Variants in ANKRD36C observed in about 807,000 individuals in gnomAD.
ANKRD36C encodes the protein ankyrin repeat domain-containing protein 36C.
Under a neutral mutation model 276.4 loss-of-function variants are expected in ANKRD36C, and 61 were observed. The ratio of observed to expected loss-of-function variants is 0.22; its 90% CI spans 0.18 to 0.27. The LOEUF is 0.27. ANKRD36C is among the 10% of genes least tolerant of loss of function. ANKRD36C has a pLI of 1.00. For missense variants in ANKRD36C, 1,447 were observed against 2,032.3 expected (o/e 0.71, Z 5.54); for synonymous variants, 483 against 680.1 (o/e 0.71, Z 4.51).
rs537794015 is a variant in ANKRD36C, at chr2:95,962,612, T to C, written c.800-65A>G. The C allele has an allele frequency of 1.7e-3, 2,674 of 1,574,510 alleles. 8 individuals are homozygous for C. Among genetic ancestry groups the C allele is most frequent in the Middle Eastern group, 0.012 (55 of 4,456 alleles). ...TATGATACAATTATCCATACATTCATGCACTGTTACCATCAAGCTGTATCC... is the reference window on the plus strand; with the variant it reads ...TATGATACAATTATCCATACATTCACGCACTGTTACCATCAAGCTGTATCC... On this transcript the variant is annotated intron_variant, in intron 6 of 66. Coordinates refer to ENST00000456556, the Ensembl canonical transcript of ANKRD36C.
At chr2:95,925,273 C>T (rs2104430126) in intron 30 of ANKRD36C, 79 bp downstream of exon 30, 1 of 1,537,036 alleles carries the variant, frequency 6.5e-7, no homozygotes, top group East Asian at 2.5e-5. Context: ...TTCAATGACA[C>T]TCCACTGATC....
At chr2:95,972,153 G>T (rs1446819526) in intron 6 of ANKRD36C, among the ~76,000 whole-genome samples, 1 of 152,106 alleles carries the variant, frequency 6.6e-6, no homozygotes, top group Non-Finnish European at 1.5e-5. Context: ...CCCTTTGCTG[G>T]TGTTTGGAAA....
intron 19 of ANKRD36C, among the ~76,000 whole-genome samples, chr2:95,941,449 G>C (rs1379371648): frequency 6.6e-6 from 1 of 152,266 alleles, no homozygotes; most frequent in African/African-American, 2.4e-5. Flanking sequence ...ACAGCACAAA[G>C]GCAATAACAC....
intron 58 of ANKRD36C, among the ~76,000 whole-genome samples, chr2:95,878,109 G>A (rs1267289043): frequency 6.0e-5 from 9 of 148,858 alleles, no homozygotes; most frequent in East Asian, 2.0e-4. Flanking sequence ...GCTTTAACCC[G>A]GGAGGTGGAG....
At chr2:95,875,496 C>A (rs1436893303) in intron 59 of ANKRD36C, among the ~76,000 whole-genome samples, 2 of 125,198 alleles carry the variant, frequency 1.6e-5, no homozygotes, top group East Asian at 4.8e-4. Flanking sequence ...CAGGTGGACA[C>A]AGGAAGGGGA....
At chr2:95,896,394 C>G (rs1052176163) in intron 44 of ANKRD36C, among the ~76,000 whole-genome samples, 7 of 148,278 alleles carry the variant, frequency 4.7e-5, no homozygotes, top group African/African-American at 1.7e-4. Context: ...TGAAAATGAC[C>G]ATTTTAGGAG....
chr2:95,939,739 C>G (rs553613969), intron 20 of ANKRD36C, among the ~76,000 whole-genome samples: 1 of 152,234 alleles, frequency 6.6e-6, no homozygotes, highest in Admixed American at 6.5e-5. Flanking sequence ...ATGTATCATT[C>G]GCTTCTGCTG....
intron 59 of ANKRD36C, among the ~76,000 whole-genome samples, chr2:95,870,964 G>A (rs1479770876): frequency 2.6e-5 from 4 of 151,952 alleles, no homozygotes; most frequent in African/African-American, 9.7e-5. Flanking sequence ...GAAGTTGAGA[G>A]AAAAAAGAAT....
chr2:95,979,555 T>C (rs1200961829), intron 5 of ANKRD36C, among the ~76,000 whole-genome samples: 2 of 151,854 alleles, frequency 1.3e-5, no homozygotes, highest in African/African-American at 4.8e-5. Flanking sequence ...AGAAAACAGA[T>C]CACTTGAGGG....
At chr2:95,891,590 C>T (rs1051673053) in intron 46 of ANKRD36C, 75 bp downstream of exon 66, 17 of 1,482,254 alleles carry the variant, frequency 1.1e-5, no homozygotes, top group Non-Finnish European at 1.5e-5. Context: ...ACGAACCCCC[C>T]GCTGATTTAT....
intron 50 of ANKRD36C, among the ~76,000 whole-genome samples, chr2:95,886,957 A>G (rs1676216845): frequency 6.6e-6 from 1 of 151,692 alleles, no homozygotes; most frequent in Admixed American, 6.6e-5. Context: ...CAATTTTGAC[A>G]TAATTCTACT....
rs534129897 is a variant in ANKRD36C, at chr2:95,897,087, G to T, written c.2755+2058C>A. Among the ~76,000 whole-genome samples the T allele has an allele frequency of 2.7e-4, 40 of 150,136 alleles. 3 individuals carry two copies. The highest frequency in any genetic ancestry group is 3.4e-3 in the Middle Eastern group (1 of 294). ...AATATGGGGAAGTGTATAATCTTAC[G>T]GCGAAGATCACGTTCCAGACCAGCA... On this transcript the variant is annotated intron_variant, in intron 44 of 66. Coordinates refer to ENST00000456556, the Ensembl canonical transcript of ANKRD36C.
intron 24 of ANKRD36C, among the ~76,000 whole-genome samples, chr2:95,934,228 T>C (rs1677651477): frequency 6.6e-6 from 1 of 152,030 alleles, no homozygotes; most frequent in Non-Finnish European, 1.5e-5. Flanking sequence ...AGAAATACCA[T>C]TTGACTTAGC....
Position 95,914,260 on chromosome 2 carries a change from T to C in ANKRD36C, c.2478+15A>G, listed in dbSNP as rs1677022611. On this transcript the variant is annotated intron_variant, in intron 39 of 66. Transcript: ENST00000456556. ...TGCATTTACTAGGTCACAATATAAATGACAGTTTCATTACCTTCAAGCCTG... is the reference window on the plus strand; with the variant it reads ...TGCATTTACTAGGTCACAATATAAACGACAGTTTCATTACCTTCAAGCCTG... 5.8e-6 allele frequency: 9 copies of C among 1,553,124 alleles called. No individual in the cohort carries two copies. The highest frequency in any genetic ancestry group is 1.8e-4 in the Middle Eastern group (1 of 5,660).
At chr2:95,869,800 C>T (rs1558621531) in intron 59 of ANKRD36C, among the ~76,000 whole-genome samples, 1 of 152,246 alleles carries the variant, frequency 6.6e-6, no homozygotes, top group Non-Finnish European at 1.5e-5. Flanking sequence ...AATTGGGTTA[C>T]TCCCACCCTA....
intron 20 of ANKRD36C, among the ~76,000 whole-genome samples, chr2:95,940,528 G>A (rs1324365635): frequency 1.1e-3 from 154 of 145,706 alleles, no homozygotes; most frequent in African/African-American, 2.5e-3. Context: ...TGATATCCAA[G>A]TGCATCCCAG....
chr2:95,965,108 A>T (rs1432845406), intron 6 of ANKRD36C, among the ~76,000 whole-genome samples: 1 of 151,954 alleles, frequency 6.6e-6, no homozygotes, highest in Non-Finnish European at 1.5e-5. Context: ...TCCTTACTAG[A>T]TCCAAGAAGA....
chr2:95,889,651 T>A, intron 48 of ANKRD36C, 148 bp downstream of exon 68: 1 of 1,141,550 alleles, frequency 8.8e-7, no homozygotes, highest in African/African-American at 1.6e-5. Context: ...AGCATCAGGG[T>A]CACCTGAGAA....
intron 6 of ANKRD36C, among the ~76,000 whole-genome samples, chr2:95,973,046 G>A (rs1333982243): frequency 1.3e-5 from 2 of 151,916 alleles, no homozygotes; most frequent in East Asian, 1.9e-4. Context: ...AAAGTTTGAG[G>A]CTGCAGTGGA....
Sources: gnomAD v4.1 joint callset for allele counts (sites outside exome capture counted in the v4.1 genomes callset) on GRCh38, gnomAD v4.1.1 for gene constraint, MANE v1.5 for transcripts, NCBI Gene and HGNC (gene_info 2026-07-23, HGNC 2026-07-21) for gene names.